Variants in CNTN4 observed in about 807,000 individuals in gnomAD.
CNTN4 encodes contactin 4.
Under a neutral mutation model 122.5 loss-of-function variants are expected in CNTN4, and 77 were observed. The observed-to-expected ratio is 0.63, with a 90% CI of 0.52 to 0.76. The LOEUF is 0.76. CNTN4 is among the 30% of genes least tolerant of loss of function. The probability of loss-of-function intolerance (pLI) is 0.00; values close to 1 mark genes in which losing one functional copy is unlikely to be tolerated. For synonymous variants in CNTN4, 512 were observed against 447.0 expected (o/e 1.15, Z -1.83); for missense variants, 1,256 against 1,259.1 (o/e 1.00, Z 0.04).
chr3:2,573,832 A>G (rs1039389591), intron 4 of CNTN4, among the ~76,000 whole-genome samples: 1 of 152,192 alleles, frequency 6.6e-6, no homozygotes, highest in Non-Finnish European at 1.5e-5. Flanking sequence ...AGTGTAGGAA[A>G]GTCAAGCTTT....
intron 6 of CNTN4, among the ~76,000 whole-genome samples, chr3:2,768,128 G>T (rs2090942663): frequency 1.3e-5 from 2 of 152,126 alleles, no homozygotes; most frequent in Non-Finnish European, 2.9e-5. Context: ...GAGTGTCATT[G>T]CCATTTCCTG....
intron 5 of CNTN4, among the ~76,000 whole-genome samples, chr3:2,736,650 A>G (rs2089120047): frequency 6.6e-6 from 1 of 151,112 alleles, no homozygotes; most frequent in Non-Finnish European, 1.5e-5. Flanking sequence ...TTTAGTAAAG[A>G]CAGGGTTTCT....
At chr3:2,723,346 C>T (rs1458291740) in intron 4 of CNTN4, among the ~76,000 whole-genome samples, 2 of 152,192 alleles carry the variant, frequency 1.3e-5, no homozygotes, top group Non-Finnish European at 2.9e-5. Context: ...CCATTTTACT[C>T]ACAGCCTTAG....
intron 3 of CNTN4, among the ~76,000 whole-genome samples, chr3:2,424,782 A>C (rs1319870273): frequency 6.6e-6 from 1 of 152,124 alleles, no homozygotes; most frequent in East Asian, 1.9e-4. Context: ...ATGGCGTCTC[A>C]TTGCGGTTTT....
chr3:3,011,613 TATG>T (rs1697235186), intron 14 of CNTN4, among the ~76,000 whole-genome samples: 1 of 152,208 alleles, frequency 6.6e-6, no homozygotes, highest in Admixed American at 6.5e-5. Flanking sequence ...ATAATTTCCT[TATG>T]ATACTTTCAC....
intron 4 of CNTN4, among the ~76,000 whole-genome samples, chr3:2,649,202 A>G (rs542069140): frequency 6.6e-6 from 1 of 152,352 alleles, no homozygotes; most frequent in South Asian, 2.1e-4. Flanking sequence ...TCTAGCTAAG[A>G]TAATTAATAA....
intron 2 of CNTN4, among the ~76,000 whole-genome samples, chr3:2,294,303 T>TTTTTTTTTTTTTTTTTTTG (rs1559423090): frequency 6.6e-6 from 1 of 151,712 alleles, no homozygotes; most frequent in Non-Finnish European, 1.5e-5. Flanking sequence ...TTTTTTTTTT[T>TTTTTTTTTTTTTTTTTTTG]ACTGAATACC....
chr3:2,414,996 C>T (rs527367234), intron 3 of CNTN4, among the ~76,000 whole-genome samples: 1 of 152,296 alleles, frequency 6.6e-6, no homozygotes, highest in South Asian at 2.1e-4. Context: ...AGTTTCCTTT[C>T]CATGTAAATC....
At chr3:2,874,349 C>A (rs767225366) in intron 8 of CNTN4, among the ~76,000 whole-genome samples, 1 of 152,172 alleles carries the variant, frequency 6.6e-6, no homozygotes, top group Non-Finnish European at 1.5e-5. Context: ...TCTAAAGTTT[C>A]ATTCTTTACT....
At chr3:2,861,896 C>A (rs1445881373) in intron 7 of CNTN4, among the ~76,000 whole-genome samples, 2 of 152,134 alleles carry the variant, frequency 1.3e-5, no homozygotes, top group Admixed American at 6.5e-5. Context: ...TAATCCCACT[C>A]CCCCAATTTA....
intron 4 of CNTN4, among the ~76,000 whole-genome samples, chr3:2,631,871 A>AAAAAAC (rs2082445975): frequency 6.8e-6 from 1 of 147,374 alleles, no homozygotes; most frequent in East Asian, 1.9e-4. Flanking sequence ...TCTACAAAAA[A>AAAAAAC]AAAAAAACAA....
At chr3:2,145,413 A>G (rs2035198639) in intron 2 of CNTN4, among the ~76,000 whole-genome samples, 2 of 152,220 alleles carry the variant, frequency 1.3e-5, no homozygotes, top group Non-Finnish European at 2.9e-5. Flanking sequence ...CTGTGCTACC[A>G]CTAATCCTTC....
intron 2 of CNTN4, among the ~76,000 whole-genome samples, chr3:2,151,554 G>T (rs2035495097): frequency 6.6e-6 from 1 of 152,182 alleles, no homozygotes; most frequent in African/African-American, 2.4e-5. Flanking sequence ...GCAATGTTTT[G>T]CATAGTTGTC....
At chr3:2,382,948 G>C (rs1023304843) in intron 3 of CNTN4, among the ~76,000 whole-genome samples, 1 of 152,028 alleles carries the variant, frequency 6.6e-6, no homozygotes, top group East Asian at 1.9e-4. Context: ...GGTGGCAGGC[G>C]CCTGTAATTC....
At chr3:2,936,061 T>G (rs565657655) in intron 13 of CNTN4, among the ~76,000 whole-genome samples, 2 of 152,340 alleles carry the variant, frequency 1.3e-5, no homozygotes, top group African/African-American at 4.8e-5. Context: ...CATGGCAAGC[T>G]AAGAAGCTGG....
intron 4 of CNTN4, among the ~76,000 whole-genome samples, chr3:2,598,471 T>A (rs972985005): frequency 2.0e-5 from 3 of 152,168 alleles, no homozygotes; most frequent in Non-Finnish European, 1.5e-5. Flanking sequence ...CAAGAACCAA[T>A]TTCAATTTGA....
chr3:2,844,084 C>A (rs2150553084), intron 7 of CNTN4, among the ~76,000 whole-genome samples: 1 of 152,288 alleles, frequency 6.6e-6, no homozygotes, highest in Admixed American at 6.5e-5. Context: ...TCCCTCCTAG[C>A]AATGGGGCCT....
chr3:2,446,568 C>A (rs541969813), intron 3 of CNTN4, among the ~76,000 whole-genome samples: 1 of 152,270 alleles, frequency 6.6e-6, no homozygotes, highest in East Asian at 1.9e-4. Context: ...GTACATTATC[C>A]TGCAGCTCAT....
intron 3 of CNTN4, among the ~76,000 whole-genome samples, chr3:2,449,891 T>C (rs1363109129): frequency 6.6e-6 from 1 of 152,064 alleles, no homozygotes; most frequent in Admixed American, 6.6e-5. Flanking sequence ...TTATCTAAAA[T>C]AGTTACACTC....
Sources: gnomAD v4.1 joint callset for allele counts (sites outside exome capture counted in the v4.1 genomes callset) on GRCh38, gnomAD v4.1.1 for gene constraint, MANE v1.5 for transcripts, NCBI Gene and HGNC (gene_info 2026-07-23, HGNC 2026-07-21) for gene names.